Variants in TAMM41 observed in about 807,000 individuals in gnomAD.
TAMM41 encodes phosphatidate cytidylyltransferase, mitochondrial.
TAMM41 carries 36 observed loss-of-function variants against 44.1 expected under a neutral mutation model. That is an observed-to-expected ratio of 0.82 (90% CI 0.63 to 1.08). TAMM41 has a LOEUF of 1.08. Among genes scored for constraint, TAMM41 ranks in the 50% least tolerant of loss-of-function variants. The pLI is 0.00. For synonymous variants in TAMM41, 164 were observed against 153.1 expected (o/e 1.07, Z -0.53); for missense variants, 417 against 404.3 (o/e 1.03, Z -0.27).
At chr3:11,742,840 C>A in the TAMM41 span, among the ~76,000 whole-genome samples, 107 of 152,192 alleles carry the variant, frequency 7.0e-4, 1 homozygote, top group African/African-American at 2.3e-3. Context: ...AAGCGATCTT[C>A]CTGCCTTGGC....
chr3:11,819,629 T>C (rs1381853374), intron 4 of TAMM41, among the ~76,000 whole-genome samples: 2 of 152,154 alleles, frequency 1.3e-5, no homozygotes, highest in African/African-American at 4.8e-5. Flanking sequence ...GCATGGTGGC[T>C]CACATCTATA....
At chr3:11,767,580 T>TGTACGAGG in the TAMM41 span, among the ~76,000 whole-genome samples, 1 of 150,798 alleles carries the variant, frequency 6.6e-6, no homozygotes, top group Non-Finnish European at 1.5e-5. Flanking sequence ...CCACCAGCAA[T>TGTACGAGG]GTACGAGGGT....
At chr3:11,761,191 G>A in the TAMM41 span, among the ~76,000 whole-genome samples, 4 of 151,512 alleles carry the variant, frequency 2.6e-5, no homozygotes, top group Admixed American at 2.0e-4. Context: ...ATCATCTTCA[G>A]GTTGTTGTTT....
the TAMM41 span, among the ~76,000 whole-genome samples, chr3:11,784,210 TA>T: frequency 1.3e-5 from 2 of 152,202 alleles, no homozygotes; most frequent in South Asian, 2.1e-4. Flanking sequence ...ATAACCTTTT[TA>T]AAAAATGATG....
the TAMM41 span, among the ~76,000 whole-genome samples, chr3:11,758,974 A>G: frequency 6.6e-6 from 1 of 152,146 alleles, no homozygotes; most frequent in Non-Finnish European, 1.5e-5. Context: ...GCCCAGCCTG[A>G]GAAATATAAT....
downstream of TAMM41, among the ~76,000 whole-genome samples, chr3:11,785,576 G>A (rs1011290286): frequency 9.2e-5 from 14 of 151,984 alleles, no homozygotes; most frequent in Admixed American, 2.0e-4. Flanking sequence ...CACCTACCTC[G>A]GCCTCCCAAA....
the TAMM41 span, among the ~76,000 whole-genome samples, chr3:11,759,677 T>G: frequency 6.6e-6 from 1 of 151,982 alleles, no homozygotes; most frequent in African/African-American, 2.4e-5. Context: ...AAATCAGGTT[T>G]AAGAAAACAT....
intron 5 of TAMM41, chr3:11,811,093 T>C (rs892928166): frequency 1.3e-5 from 2 of 151,926 alleles, no homozygotes; most frequent in African/African-American, 4.8e-5. Flanking sequence ...AAAAAGTATA[T>C]ACCAAATACC....
chr3:11,732,998 T>G, the TAMM41 span, among the ~76,000 whole-genome samples: 2 of 90,820 alleles, frequency 2.2e-5, no homozygotes, highest in African/African-American at 6.5e-5. Context: ...AGTTTTTTTT[T>G]TGTTTGTTTG....
chr3:11,766,515 T>A, the TAMM41 span, among the ~76,000 whole-genome samples: 19 of 152,004 alleles, frequency 1.2e-4, no homozygotes, highest in African/African-American at 4.3e-4. Context: ...AGGTAGAGTA[T>A]GTTTTTATTT....
chr3:11,829,632 G>A, intron 4 of TAMM41, 82 bp downstream of exon 4: 1 of 1,506,340 alleles, frequency 6.6e-7, no homozygotes, highest in Non-Finnish European at 9.1e-7. Flanking sequence ...AGCAGCTCCA[G>A]GGCCGAGTGA....
intron 7 of TAMM41, among the ~76,000 whole-genome samples, chr3:11,804,952 C>T (rs1220536416): frequency 6.8e-6 from 1 of 148,028 alleles, no homozygotes; most frequent in African/African-American, 2.5e-5. Context: ...GCCGCCTCGA[C>T]TTCCTGGGCT....
At chr3:11,752,962 A>C in the TAMM41 span, among the ~76,000 whole-genome samples, 1 of 151,738 alleles carries the variant, frequency 6.6e-6, no homozygotes, top group Non-Finnish European at 1.5e-5. Context: ...GCCCATATGA[A>C]GCTTATATCA....
chr3:11,734,146 C>T, the TAMM41 span, among the ~76,000 whole-genome samples: 2 of 152,170 alleles, frequency 1.3e-5, no homozygotes, highest in African/African-American at 4.8e-5. Context: ...GCAAAGAGAA[C>T]CCGGGCCTTT....
At chr3:11,790,661 G>T in intron 7 of TAMM41, 80 bp from the exon 8 acceptor site, 1 of 1,319,508 alleles carries the variant, frequency 7.6e-7, no homozygotes. Flanking sequence ...ATTCTGAGCA[G>T]ACTTGTCTTT....
At chr3:11,777,529 C>G in the TAMM41 span, among the ~76,000 whole-genome samples, 1 of 152,188 alleles carries the variant, frequency 6.6e-6, no homozygotes, top group African/African-American at 2.4e-5. Flanking sequence ...TGCGGTGGCT[C>G]ACGCCTGTAA....
intron 7 of TAMM41, among the ~76,000 whole-genome samples, chr3:11,795,702 C>A (rs1473088533): frequency 6.6e-6 from 1 of 152,170 alleles, no homozygotes; most frequent in Non-Finnish European, 1.5e-5. Flanking sequence ...ACTAAACTCC[C>A]CCATTTCTCA....
intron 3 of TAMM41, chr3:11,833,124 T>C (rs2079048628): frequency 7.8e-7 from 1 of 1,284,976 alleles, no homozygotes; most frequent in Non-Finnish European, 1.0e-6. Context: ...GAAAAGCCAG[T>C]GAACTCTTGG....
intron 3 of TAMM41, among the ~76,000 whole-genome samples, chr3:11,834,445 TATTA>T (rs1385378793): frequency 8.5e-5 from 13 of 152,130 alleles, no homozygotes; most frequent in Admixed American, 6.5e-5. Flanking sequence ...AGGAAATAAC[TATTA>T]ATTATTACTT....
Sources: gnomAD v4.1 joint callset for allele counts (sites outside exome capture counted in the v4.1 genomes callset) on GRCh38, gnomAD v4.1.1 for gene constraint, MANE v1.5 for transcripts, NCBI Gene and HGNC (gene_info 2026-07-23, HGNC 2026-07-21) for gene names.